Variants in EIF4G3 observed in about 807,000 individuals in gnomAD.
The protein encoded by EIF4G3 is eIF-4-gamma 3.
In EIF4G3, 34 loss-of-function variants were observed where a neutral mutation model predicts 186.4. The ratio of observed to expected loss-of-function variants is 0.18; its 90% CI spans 0.14 to 0.24. The LOEUF (loss-of-function observed/expected upper bound fraction) is 0.24, where lower values mean the gene tolerates loss of function less well. EIF4G3 is among the 10% of genes least tolerant of loss of function. EIF4G3 has a pLI of 1.00. For synonymous variants in EIF4G3, 673 were observed against 679.5 expected (o/e 0.99, Z 0.15); for missense variants, 1,536 against 1,948.5 (o/e 0.79, Z 3.99).
At chr1:21,117,858 G>A (rs967312812) in intron 2 of EIF4G3, among the ~76,000 whole-genome samples, 1 of 151,732 alleles carries the variant, frequency 6.6e-6, no homozygotes, top group Non-Finnish European at 1.5e-5. Flanking sequence ...ATGAACACAG[G>A]AAAGCTTTCC....
intron 35 of EIF4G3, 83 bp downstream of exon 35, chr1:20,813,075 A>G (rs2059589451): frequency 3.1e-6 from 3 of 964,528 alleles, no homozygotes; most frequent in Non-Finnish European, 4.8e-6. Flanking sequence ...TTTTGAAAAC[A>G]ATGTAAAATC....
intron 14 of EIF4G3, among the ~76,000 whole-genome samples, chr1:20,906,105 A>T (rs1264890387): frequency 6.6e-6 from 1 of 152,106 alleles, no homozygotes; most frequent in African/African-American, 2.4e-5. Context: ...TACACATCTC[A>T]CACCAATTAT....
intron 31 of EIF4G3, among the ~76,000 whole-genome samples, chr1:20,828,051 T>A (rs2064095699): frequency 6.7e-6 from 1 of 149,346 alleles, no homozygotes; most frequent in Admixed American, 6.7e-5. Context: ...TTTTTTTTTT[T>A]GAGACAGAGT....
At chr1:21,138,826 A>G (rs904141910) in intron 2 of EIF4G3, among the ~76,000 whole-genome samples, 1 of 152,142 alleles carries the variant, frequency 6.6e-6, no homozygotes, top group African/African-American at 2.4e-5. Flanking sequence ...TAAAGAAAAA[A>G]AATCACTTCC....
rs776279247 is a variant in EIF4G3 at position 20,849,492 on chromosome 1, C to G, written c.3811G>C (p.Ala1271Pro). Reference protein sequence around the residue: ...EISAMSAHDKAALSEEELERK... With the variant: ...EISAMSAHDKPALSEEELERK... ...TCCAGTTCCTCTTCTGATAATGCAGCCTTGTCATGAGCTGACATTGCTGAA... is the reference window on the plus strand; with the variant it reads ...TCCAGTTCCTCTTCTGATAATGCAGGCTTGTCATGAGCTGACATTGCTGAA... The change falls in exon 29 of 37, where the codon GCT (alanine) becomes CCT (proline). Residue 1271 changes from alanine to proline, a missense_variant. By Grantham distance (27) the Ala-to-Pro change is conservative. This residue lies in a region of EIF4G3 where 395 missense variants were observed against 498.9 expected (regional missense o/e 0.79). Transcript: ENST00000602326. 1.3e-6 allele frequency: 2 copies of G among 1,565,332 alleles called. No individual in the cohort carries two copies. The highest frequency in any genetic ancestry group is 2.4e-5 in the East Asian group (1 of 42,398).
intron 4 of EIF4G3, among the ~76,000 whole-genome samples, chr1:21,036,696 A>G (rs1157311158): frequency 6.6e-6 from 1 of 152,090 alleles, no homozygotes; most frequent in Non-Finnish European, 1.5e-5. Flanking sequence ...CCTGGGCAAC[A>G]TGGCAAAACC....
intron 2 of EIF4G3, among the ~76,000 whole-genome samples, chr1:21,119,748 A>G (rs2096894390): frequency 6.6e-6 from 1 of 152,190 alleles, no homozygotes; most frequent in Non-Finnish European, 1.5e-5. Context: ...TACGGAGGCT[A>G]TAAAAGAGAA....
In EIF4G3 at chr1:20,942,336, G is replaced by GA. The variant is rs34156452; in HGVS notation, c.824-7dup. On this transcript the variant is annotated splice_region_variant and splice_polypyrimidine_tract_variant and intron_variant, in intron 13 of 36. Transcript: ENST00000602326. ...ATCTGGTTTTGGCTTCTCCTCTGGG[G>GA]AAAAAAAAATAAGTTTTAAGAATAA... 322 of 1,519,544 alleles carry GA rather than the reference G, an allele frequency of 2.1e-4. No homozygotes were observed. The highest frequency in any genetic ancestry group is 7.1e-4 in the Middle Eastern group (4 of 5,644). 94.1% of individuals were successfully genotyped at this position (1,519,544 alleles called of 1,614,324 possible).
intron 16 of EIF4G3, among the ~76,000 whole-genome samples, chr1:20,899,221 C>G (rs952063118): frequency 6.6e-6 from 1 of 152,146 alleles, no homozygotes; most frequent in African/African-American, 2.4e-5. Flanking sequence ...TCCTTATTTA[C>G]TTGTTTATCA....
rs200324002 is a variant in EIF4G3, at chr1:20,807,003, CTTT to C, written c.*313_*315del. The C allele has an allele frequency of 5.1e-5, 8 of 157,742 alleles. No homozygotes were observed. The highest frequency in any genetic ancestry group is 9.3e-5 in the Non-Finnish European group (7 of 75,004). The allele number at this position is 157,742 out of a possible 1,614,324, so 9.8% of individuals were successfully genotyped here. On this transcript the variant is annotated 3_prime_UTR_variant, in exon 37 of 37. Transcript: ENST00000602326. ...CTTAAAATAAATTAAAAGTTCTCAA[CTTT>C]TTTTTTTTTTGCTAAACATTTTTTT...
intron 22 of EIF4G3, among the ~76,000 whole-genome samples, 183 bp downstream of exon 22, chr1:20,864,293 T>G (rs2077091522): frequency 6.6e-6 from 1 of 152,142 alleles, no homozygotes; most frequent in Admixed American, 6.5e-5. Context: ...ACCCTCCTCA[T>G]CTCTGACTCT....
At chr1:21,129,975 G>A (rs1453605183) in intron 2 of EIF4G3, among the ~76,000 whole-genome samples, 1 of 152,094 alleles carries the variant, frequency 6.6e-6, no homozygotes, top group African/African-American at 2.4e-5. Flanking sequence ...CAGGATAATA[G>A]CCCCTAGCAC....
chr1:20,969,859 T>C (rs908261978), intron 11 of EIF4G3, among the ~76,000 whole-genome samples: 36 of 152,258 alleles, frequency 2.4e-4, no homozygotes, highest in African/African-American at 8.7e-4. Context: ...TTAATATTTA[T>C]ACTTGTTTTG....
intron 7 of EIF4G3, among the ~76,000 whole-genome samples, chr1:20,993,360 T>C (rs1218056565): frequency 2.0e-5 from 3 of 152,202 alleles, no homozygotes; most frequent in African/African-American, 7.2e-5. Context: ...AATCTTGTTA[T>C]TTTTTGTTTA....
At position 21,101,571 on chromosome 1, in the gene EIF4G3, AAAAAC is replaced by A. The variant is rs1455547397; in HGVS notation, c.-271-12363_-271-12359del. On this transcript the variant is annotated intron_variant, in intron 2 of 36. Transcript: ENST00000602326. ...GGCAACAGGGTCTCAGGAAAAAAAAAAAAACAACAAAAAAAAACCGAGGGAGGGAG... is the reference window on the plus strand; with the variant it reads ...GGCAACAGGGTCTCAGGAAAAAAAAAAACAAAAAAAAACCGAGGGAGGGAG... Among the ~76,000 whole-genome samples, 243 of 143,148 alleles carry A rather than the reference AAAAAC, an allele frequency of 1.7e-3. 2 individuals carry two copies. Among genetic ancestry groups the A allele is most frequent in the African/African-American group, 5.8e-3 (232 of 39,724 alleles). The allele number at this position is 143,148 out of a possible 152,430, so 93.9% of individuals were successfully genotyped here.
In EIF4G3 at chr1:21,068,391, A is replaced by AAAAAAAAAAAAAC. The variant is rs1319008942; in HGVS notation, c.-195-17398_-195-17397insGTTTTTTTTTTTT. Among the ~76,000 whole-genome samples, 32 of 149,192 alleles carry AAAAAAAAAAAAAC rather than the reference A, an allele frequency of 2.1e-4. 1 individual carries two copies. Among genetic ancestry groups the AAAAAAAAAAAAAC allele is most frequent in the Non-Finnish European group, 3.9e-4 (26 of 66,918 alleles). Reference sequence around the variant, plus strand: ...CTCTGTCTTTAAAAAAAAAAAAAAAAAAAAAAAAACAGAATACTTCACATG... The same window carrying AAAAAAAAAAAAAC: ...CTCTGTCTTTAAAAAAAAAAAAAAAAAAAAAAAAAAAACAAAAAAAAACAGAATACTTCACATG... On this transcript the variant is annotated intron_variant, in intron 3 of 36. Transcript: ENST00000602326.
intron 3 of EIF4G3, chr1:21,064,741 T>TA (rs2095139705): frequency 6.6e-6 from 1 of 152,178 alleles, no homozygotes; most frequent in Non-Finnish European, 1.5e-5. Context: ...TACACAAGCA[T>TA]AACAAATTAA....
intron 19 of EIF4G3, among the ~76,000 whole-genome samples, chr1:20,882,215 A>AG (rs2082604815): frequency 1.4e-5 from 2 of 139,476 alleles, no homozygotes; most frequent in Non-Finnish European, 3.2e-5. Flanking sequence ...ACACACACAC[A>AG]AAATCATTTA....
chr1:21,168,575 G>A (rs2103036529), intron 2 of EIF4G3, among the ~76,000 whole-genome samples: 1 of 151,742 alleles, frequency 6.6e-6, no homozygotes, highest in East Asian at 2.0e-4. Context: ...GGCATGCACT[G>A]CCACTCCTGG....
Sources: gnomAD v4.1 joint callset for allele counts (sites outside exome capture counted in the v4.1 genomes callset) on GRCh38, gnomAD v4.1.1 for gene constraint, gnomAD v4.1.1 regional missense constraint, MANE v1.5 for transcripts, NCBI Gene and HGNC (gene_info 2026-07-23, HGNC 2026-07-21) for gene names.